The following EPB41L2 variants were observed in gnomAD, a reference collection of about 807,000 sequenced individuals.
The protein encoded by EPB41L2 is band 4.1-like protein 2.
EPB41L2 carries 43 observed loss-of-function variants against 113.0 expected under a neutral mutation model. The observed-to-expected ratio is 0.38, with a 90% CI of 0.30 to 0.49. The LOEUF is 0.49. Among genes scored for constraint, EPB41L2 ranks in the 20% least tolerant of loss-of-function variants. The pLI is 0.95. For synonymous variants in EPB41L2, 442 were observed against 436.7 expected (o/e 1.01, Z -0.15); for missense variants, 1,147 against 1,223.4 (o/e 0.94, Z 0.93).
intron 12 of EPB41L2, among the ~76,000 whole-genome samples, 180 bp downstream of exon 12, chr6:130,884,916 T>C (rs1319893430): frequency 2.0e-5 from 3 of 152,234 alleles, no homozygotes; most frequent in Admixed American, 6.5e-5. Flanking sequence ...CATTGAAATA[T>C]TCTGCTTTGA....
chr6:131,043,045 T>C (rs1024831622), intron 1 of EPB41L2, among the ~76,000 whole-genome samples: 2 of 152,152 alleles, frequency 1.3e-5, no homozygotes, highest in Non-Finnish European at 2.9e-5. Context: ...AGGCCTGTAA[T>C]CCCAACAGTT....
At chr6:130,946,322 C>T (rs879900348) in intron 3 of EPB41L2, among the ~76,000 whole-genome samples, 1 of 151,956 alleles carries the variant, frequency 6.6e-6, no homozygotes, top group Non-Finnish European at 1.5e-5. Flanking sequence ...TTTTTTTTAA[C>T]TTAACTATAA....
chr6:130,878,332 G>C, intron 13 of EPB41L2, 82 bp from the exon 14 acceptor site: 1 of 1,418,158 alleles, frequency 7.1e-7, no homozygotes, highest in Non-Finnish European at 9.4e-7. Context: ...CAAAAAATAA[G>C]ACAAAGCAAA....
At chr6:130,882,488 T>C (rs948345608) in intron 12 of EPB41L2, 2 of 152,682 alleles carry the variant, frequency 1.3e-5, no homozygotes, top group East Asian at 3.8e-4. Flanking sequence ...TTGTGTTGAC[T>C]CCACAAACTG....
intron 1 of EPB41L2, among the ~76,000 whole-genome samples, chr6:130,980,998 T>C (rs1312559084): frequency 6.6e-6 from 1 of 152,152 alleles, no homozygotes. Flanking sequence ...AAAATAAATT[T>C]ACTGTAATTT....
At chr6:130,849,666 C>T (rs878884235) in intron 19 of EPB41L2, among the ~76,000 whole-genome samples, 1 of 152,076 alleles carries the variant, frequency 6.6e-6, no homozygotes, top group Non-Finnish European at 1.5e-5. Flanking sequence ...AAAAGAAATG[C>T]AAATTATATG....
At chr6:131,018,945 T>C (rs972269806) in intron 1 of EPB41L2, among the ~76,000 whole-genome samples, 28 of 152,230 alleles carry the variant, frequency 1.8e-4, no homozygotes, top group African/African-American at 6.3e-4. Flanking sequence ...CCTTGATATG[T>C]GGTAGGGACA....
At chr6:130,995,775 C>T (rs1338378695) in intron 1 of EPB41L2, among the ~76,000 whole-genome samples, 1 of 152,178 alleles carries the variant, frequency 6.6e-6, no homozygotes, top group African/African-American at 2.4e-5. Context: ...TCCTTTCCTC[C>T]TCCTATGGTC....
chr6:130,916,678 C>G (rs1169332442), intron 4 of EPB41L2, among the ~76,000 whole-genome samples: 1 of 152,198 alleles, frequency 6.6e-6, no homozygotes, highest in African/African-American at 2.4e-5. Context: ...ATCAAAAGAA[C>G]AGTTTATCCC....
rs998049997 is a variant in EPB41L2 at position 130,845,731 on chromosome 6, G to A, written c.*6-5133C>T. ...CACTTGCAGTAAAATAGAGAAGACA[G>A]TTTCACTTAAGGAAGTCCTTGAGGA... On this transcript the variant is annotated intron_variant, in intron 19 of 19. Coordinates refer to ENST00000337057, the MANE Select transcript of EPB41L2 (RefSeq NM_001431.4). 2.0e-5 allele frequency among the ~76,000 whole-genome samples: 3 copies of A among 152,168 alleles called. No homozygotes were observed. The South Asian group carries it at 6.2e-4, about 31-fold the overall frequency.
chr6:131,033,909 C>T (rs539260985), intron 1 of EPB41L2, among the ~76,000 whole-genome samples: 30 of 152,274 alleles, frequency 2.0e-4, no homozygotes, highest in South Asian at 1.0e-3. Context: ...TTCTGAGCTG[C>T]ACATTTACAA....
At chr6:130,876,019 C>T (rs1787451421) in intron 14 of EPB41L2, among the ~76,000 whole-genome samples, 1 of 150,478 alleles carries the variant, frequency 6.6e-6, no homozygotes, top group South Asian at 2.1e-4. Flanking sequence ...AAAAAAGAAA[C>T]TTTTCTAATT....
At chr6:130,877,205 A>G (rs780561611) in intron 14 of EPB41L2, among the ~76,000 whole-genome samples, 1 of 152,372 alleles carries the variant, frequency 6.6e-6, no homozygotes, top group East Asian at 1.9e-4. Flanking sequence ...TAAAAATAGC[A>G]CTAGAATATC....
intron 15 of EPB41L2, chr6:130,867,837 C>G: frequency 2.5e-6 from 1 of 403,438 alleles, no homozygotes; most frequent in East Asian, 5.4e-5. Flanking sequence ...TGTACATACA[C>G]ATATATGAAA....
intron 1 of EPB41L2, among the ~76,000 whole-genome samples, chr6:131,021,585 C>T (rs112432941): frequency 6.6e-6 from 1 of 151,968 alleles, no homozygotes; most frequent in African/African-American, 2.4e-5. Context: ...CCCTTGAACC[C>T]GGGAGGCAGA....
intron 1 of EPB41L2, among the ~76,000 whole-genome samples, chr6:131,040,239 A>G (rs1794179453): frequency 6.6e-6 from 1 of 152,150 alleles, no homozygotes; most frequent in Admixed American, 6.5e-5. Flanking sequence ...GGGATTCGAG[A>G]CCAGCCTGGC....
intron 3 of EPB41L2, among the ~76,000 whole-genome samples, chr6:130,947,855 T>TG (rs1381087413): frequency 1.3e-5 from 2 of 152,088 alleles, no homozygotes; most frequent in African/African-American, 4.8e-5. Context: ...TGCAATAAAA[T>TG]GGGGAATATA....
intron 4 of EPB41L2, among the ~76,000 whole-genome samples, chr6:130,921,475 G>A (rs551732722): frequency 6.6e-6 from 1 of 152,208 alleles, no homozygotes; most frequent in East Asian, 1.9e-4. Flanking sequence ...ACCCCTCACA[G>A]GTCTTTCCTA....
chr6:130,846,448 T>C (rs1406204519), intron 19 of EPB41L2, among the ~76,000 whole-genome samples: 2 of 152,246 alleles, frequency 1.3e-5, no homozygotes, highest in Non-Finnish European at 2.9e-5. Context: ...ACTGCTTATG[T>C]CCAATCTGCT....
Sources: gnomAD v4.1 joint callset for allele counts (sites outside exome capture counted in the v4.1 genomes callset) on GRCh38, gnomAD v4.1.1 for gene constraint, MANE v1.5 for transcripts, NCBI Gene and HGNC (gene_info 2026-07-23, HGNC 2026-07-21) for gene names.